MAPK14: variants seen among roughly 807,000 people sequenced by gnomAD.
The protein encoded by MAPK14 is mitogen-activated protein kinase 14.
In MAPK14, 16 loss-of-function variants were observed where a neutral mutation model predicts 49.6. The ratio of observed to expected loss-of-function variants is 0.32; its 90% confidence interval spans 0.22 to 0.49. The LOEUF is 0.49. Among genes scored for constraint, MAPK14 ranks in the 20% least tolerant of loss-of-function variants. The probability of loss-of-function intolerance (pLI) is 0.99; values close to 1 mark genes in which losing one functional copy is unlikely to be tolerated. For synonymous variants in MAPK14, 142 were observed against 158.0 expected (o/e 0.90, Z 0.76); for missense variants, 200 against 441.2 (o/e 0.45, Z 4.90).
chr6:36,063,583 G>A (rs1763917851), intron 3 of MAPK14, among the ~76,000 whole-genome samples: 1 of 152,142 alleles, frequency 6.6e-6, no homozygotes, highest in Non-Finnish European at 1.5e-5. Context: ...AGTGATATAT[G>A]TGGTCCACTG....
chr6:36,043,774 C>T (rs1234367642), intron 1 of MAPK14, among the ~76,000 whole-genome samples: 3 of 141,038 alleles, frequency 2.1e-5, no homozygotes, highest in Admixed American at 7.0e-5. Flanking sequence ...TTTCTTCTCA[C>T]TTTATAGATA....
chr6:36,086,951 T>C (rs1363312395), intron 8 of MAPK14, among the ~76,000 whole-genome samples: 1 of 152,166 alleles, frequency 6.6e-6, no homozygotes, highest in Non-Finnish European at 1.5e-5. Context: ...TCCACCACGG[T>C]CAAGTCAGCT....
downstream of MAPK14, among the ~76,000 whole-genome samples, chr6:36,114,462 C>G (rs1766025461): frequency 6.6e-6 from 1 of 151,062 alleles, no homozygotes; most frequent in Non-Finnish European, 1.5e-5. Flanking sequence ...ACTAAAAATA[C>G]AAAAAATTAG....
intron 1 of MAPK14, among the ~76,000 whole-genome samples, chr6:36,032,934 G>A (rs1168175377): frequency 4.0e-5 from 6 of 151,404 alleles, no homozygotes; most frequent in Non-Finnish European, 5.9e-5. Flanking sequence ...AAAGAAATAA[G>A]TGAAGCTAAC....
intron 3 of MAPK14, among the ~76,000 whole-genome samples, chr6:36,069,927 A>G (rs1377401345): frequency 1.3e-5 from 2 of 152,172 alleles, no homozygotes; most frequent in Non-Finnish European, 2.9e-5. Flanking sequence ...CTTCTCCATA[A>G]AATTATTTAG....
intron 8 of MAPK14, among the ~76,000 whole-genome samples, chr6:36,091,575 G>T: frequency 6.6e-6 from 1 of 152,180 alleles, no homozygotes. Flanking sequence ...GGTCTTAACT[G>T]CCTGGACAAA....
At chr6:36,064,765 A>G (rs573945882) in intron 3 of MAPK14, among the ~76,000 whole-genome samples, 1 of 152,360 alleles carries the variant, frequency 6.6e-6, no homozygotes, top group South Asian at 2.1e-4. Context: ...TAGGCACAGT[A>G]ATAGTCTCTG....
rs1359854714 is a variant in MAPK14, at chr6:36,108,621, T to C, written c.*174T>C. 2 of 624,928 alleles carry C rather than the reference T, an allele frequency of 3.2e-6. No homozygotes were observed. The highest frequency in any genetic ancestry group is 5.8e-6 in the Non-Finnish European group (2 of 344,224). 38.7% of individuals were successfully genotyped at this position (624,928 alleles called of 1,614,324 possible). A position where few individuals can be genotyped will look rare whatever the true frequency, so the allele number is the denominator to read the frequency against. On this transcript the variant is annotated 3_prime_UTR_variant, in exon 12 of 12. Transcript: ENST00000229794. ...GTGTGTGCATGTGTGTGTCTGTCTT[T>C]GTGGGAGGGTAAGACAATATGAACA...
intron 8 of MAPK14, among the ~76,000 whole-genome samples, chr6:36,082,711 C>T (rs1053554741): frequency 4.5e-4 from 68 of 152,218 alleles, no homozygotes; most frequent in African/African-American, 1.5e-3. Flanking sequence ...GATCCAAGAC[C>T]CTAACACCTT....
At chr6:36,070,188 T>C (rs1764213366) in intron 3 of MAPK14, among the ~76,000 whole-genome samples, 1 of 152,202 alleles carries the variant, frequency 6.6e-6, no homozygotes, top group Non-Finnish European at 1.5e-5. Flanking sequence ...GACATATTGC[T>C]TCCCTAGTTA....
rs1283199257 is a variant in MAPK14, at chr6:36,028,132, T to C, written c.-26T>C. ...AGGCGGGGGCCCCACAGGGCCACCT[T>C]CTTGCCCGGCGGCTGCCGCTGGAAA... On this transcript the variant is annotated 5_prime_UTR_variant, in exon 1 of 12. Transcript: ENST00000229794. This position sits in a 1 kb window ranked among gnomAD's most constrained non-coding sequence, Gnocchi z 5.1. 1.9e-6 allele frequency: 3 copies of C among 1,568,504 alleles called. No homozygotes were observed. In the East Asian group the frequency reaches 6.8e-5, roughly 35 times the overall value.
intron 8 of MAPK14, among the ~76,000 whole-genome samples, chr6:36,094,424 C>A (rs905754834): frequency 1.3e-5 from 2 of 152,168 alleles, no homozygotes; most frequent in Non-Finnish European, 2.9e-5. Flanking sequence ...TGGCTGTGTT[C>A]TAATAAAACT....
the MAPK14 span, among the ~76,000 whole-genome samples, chr6:36,117,720 A>G: frequency 6.6e-6 from 1 of 152,254 alleles, no homozygotes; most frequent in Non-Finnish European, 1.5e-5. Flanking sequence ...GAGTTAAGAC[A>G]TGAAAAACCC....
At chr6:36,053,386 T>C (rs1763475214) in intron 2 of MAPK14, among the ~76,000 whole-genome samples, 1 of 151,924 alleles carries the variant, frequency 6.6e-6, no homozygotes, top group Non-Finnish European at 1.5e-5. Flanking sequence ...TTAATAAATA[T>C]GTCAGAGGCA....
the MAPK14 span, among the ~76,000 whole-genome samples, chr6:36,122,839 T>C: frequency 2.0e-5 from 3 of 152,264 alleles, no homozygotes; most frequent in East Asian, 5.8e-4. Context: ...GCTCCACCTG[T>C]AGCTACAAAT....
the MAPK14 span, among the ~76,000 whole-genome samples, chr6:36,119,350 C>T: frequency 6.6e-6 from 1 of 152,176 alleles, no homozygotes; most frequent in South Asian, 2.1e-4. Flanking sequence ...CATACATTGG[C>T]GTCCATTTGG....
the MAPK14 span, among the ~76,000 whole-genome samples, chr6:36,121,769 T>C: frequency 6.6e-6 from 1 of 152,164 alleles, no homozygotes; most frequent in East Asian, 1.9e-4. Context: ...CTAAGCATAG[T>C]GGTTACTAGC....
intron 8 of MAPK14, among the ~76,000 whole-genome samples, chr6:36,090,611 C>T: frequency 6.6e-6 from 1 of 151,808 alleles, no homozygotes; most frequent in South Asian, 2.1e-4. Flanking sequence ...CTGCAACCTC[C>T]ACCTCCCGTG....
At chr6:36,039,314 G>A (rs1379843756) in intron 1 of MAPK14, among the ~76,000 whole-genome samples, 1 of 152,152 alleles carries the variant, frequency 6.6e-6, no homozygotes, top group Non-Finnish European at 1.5e-5. Context: ...TAGAACAAAT[G>A]TTTATTTTGT....
Sources: gnomAD v4.1 joint callset for allele counts (sites outside exome capture counted in the v4.1 genomes callset) on GRCh38, gnomAD v4.1.1 for gene constraint, Gnocchi (gnomAD v3.1) non-coding constraint, MANE v1.5 for transcripts, NCBI Gene and HGNC (gene_info 2026-07-23, HGNC 2026-07-21) for gene names.